Variants in GALNT17 observed in about 807,000 individuals in gnomAD.
GALNT17 encodes the protein UDP-GalNAc:polypeptide N-acetylgalactosaminyltransferase-like 3.
In GALNT17, 29 loss-of-function variants were observed where a neutral mutation model predicts 63.7. The ratio of observed to expected loss-of-function variants is 0.46; its 90% CI spans 0.34 to 0.62. The LOEUF is 0.62. Among genes scored for constraint, GALNT17 ranks in the 20% least tolerant of loss-of-function variants. The pLI is 0.01. For synonymous variants in GALNT17, 305 were observed against 318.3 expected (o/e 0.96, Z 0.45); for missense variants, 603 against 799.6 (o/e 0.75, Z 2.97).
chr7:71,486,232 T>C (rs1283812411), intron 5 of GALNT17, among the ~76,000 whole-genome samples: 1 of 151,502 alleles, frequency 6.6e-6, no homozygotes, highest in Non-Finnish European at 1.5e-5. Context: ...GGGAGGCTGA[T>C]GAGGCAGGAG....
chr7:71,693,301 C>CATATATATAT (rs1280771901), intron 9 of GALNT17, among the ~76,000 whole-genome samples: 13 of 82,516 alleles, frequency 1.6e-4, no homozygotes, highest in African/African-American at 4.1e-4. Flanking sequence ...CACACACACA[C>CATATATATAT]ACACACACAT....
intron 2 of GALNT17, among the ~76,000 whole-genome samples, chr7:71,370,507 CAG>C (rs1379940591): frequency 8.5e-5 from 13 of 152,124 alleles, no homozygotes; most frequent in East Asian, 3.9e-4. Flanking sequence ...TTTTTTGAGA[CAG>C]AGTTTCCATC....
intron 1 of GALNT17, chr7:71,300,863 G>C (rs1791183345): frequency 6.5e-6 from 1 of 153,748 alleles, no homozygotes; most frequent in Non-Finnish European, 1.4e-5. Flanking sequence ...CCGGGGCTGG[G>C]GAAATGTCAG....
At chr7:71,557,493 C>G (rs1009626502) in intron 5 of GALNT17, among the ~76,000 whole-genome samples, 10 of 152,136 alleles carry the variant, frequency 6.6e-5, no homozygotes, top group African/African-American at 2.2e-4. Flanking sequence ...CCCATTCATT[C>G]TTTCAAAGTT....
At chr7:71,477,362 C>T (rs1431914472) in intron 5 of GALNT17, among the ~76,000 whole-genome samples, 1 of 152,112 alleles carries the variant, frequency 6.6e-6, no homozygotes, top group Admixed American at 6.5e-5. Flanking sequence ...GTGTTTTCAC[C>T]GTTAGCTGTG....
chr7:71,262,040 C>T (rs971789778), intron 1 of GALNT17, among the ~76,000 whole-genome samples: 6 of 152,062 alleles, frequency 3.9e-5, no homozygotes, highest in Admixed American at 1.3e-4. Flanking sequence ...GTTTCTGACG[C>T]GTGATGATGG....
intron 6 of GALNT17, among the ~76,000 whole-genome samples, chr7:71,628,802 AAC>A: frequency 6.6e-6 from 1 of 151,948 alleles, no homozygotes; most frequent in Non-Finnish European, 1.5e-5. Flanking sequence ...TGTGGTGGCA[AAC>A]GCCTGTAATC....
At chr7:71,325,535 G>T (rs1269595480) in intron 1 of GALNT17, among the ~76,000 whole-genome samples, 3 of 152,174 alleles carry the variant, frequency 2.0e-5, no homozygotes, top group African/African-American at 4.8e-5. Context: ...AATAATGCTG[G>T]TTATCTGTAA....
At chr7:71,595,815 A>C (rs1789877263) in intron 6 of GALNT17, among the ~76,000 whole-genome samples, 1 of 152,108 alleles carries the variant, frequency 6.6e-6, no homozygotes, top group Admixed American at 6.6e-5. Context: ...CCCATCTTTC[A>C]GTGGAGGATG....
chr7:71,583,117 T>C (rs983031997), intron 6 of GALNT17, among the ~76,000 whole-genome samples: 2 of 152,128 alleles, frequency 1.3e-5, no homozygotes, highest in Non-Finnish European at 1.5e-5. Flanking sequence ...TTCAGGCCAG[T>C]ATGTGGGTTT....
At chr7:71,491,827 T>G (rs1788013764) in intron 5 of GALNT17, among the ~76,000 whole-genome samples, 1 of 152,138 alleles carries the variant, frequency 6.6e-6, no homozygotes, top group Non-Finnish European at 1.5e-5. Flanking sequence ...AGATGCACTG[T>G]CCTACGGAAA....
intron 5 of GALNT17, among the ~76,000 whole-genome samples, chr7:71,541,720 A>T (rs1230486399): frequency 6.6e-6 from 1 of 152,184 alleles, no homozygotes. Context: ...CTAACAATGT[A>T]AGGAGATTGG....
At chr7:71,672,766 C>G (rs511724) in intron 8 of GALNT17, among the ~76,000 whole-genome samples, 129,037 of 152,122 alleles carry the variant, frequency 0.85, 55,951 homozygotes, top group Non-Finnish European at 0.94. Flanking sequence ...GGCCAGGCTG[C>G]TCTTGAACTC....
intron 3 of GALNT17, among the ~76,000 whole-genome samples, chr7:71,405,150 G>A (rs1303691936): frequency 6.6e-6 from 1 of 152,188 alleles, no homozygotes; most frequent in East Asian, 1.9e-4. Context: ...CAGCTCTCAG[G>A]ACAAGCCCAG....
chr7:71,292,041 G>T (rs908726321), intron 1 of GALNT17, among the ~76,000 whole-genome samples: 9 of 152,152 alleles, frequency 5.9e-5, no homozygotes, highest in African/African-American at 2.2e-4. Flanking sequence ...ATGTAACTCT[G>T]TTATGGATTA....
At position 71,710,887 on chromosome 7, in the gene GALNT17, A is replaced by C. The variant is rs776407701; in HGVS notation, c.1627A>C (p.Lys543Gln). Residue 543 changes from lysine to glutamine, a missense_variant, in exon 10 of 11, where the codon AAG becomes CAG. Physicochemically the swap from Lys to Gln is moderately conservative, Grantham distance 53 (BLOSUM62 1). Transcript: ENST00000333538. The stretch of plus-strand genomic sequence containing the variant: ...GCTGCCCCAGCTCCTGGACTGCGAC[A>C]AGGTCAAGAGCAGCCTGTACAAGCG... ...SRLPQLLDCD[K>Q]VKSSLYKRWN... is the part of the protein sequence containing the mutation. 6.2e-7 allele frequency: 1 copy of C among 1,614,006 alleles called. No individual in the cohort carries two copies. Among genetic ancestry groups the C allele is most frequent in the African/African-American group, 1.3e-5 (1 of 75,056 alleles).
At chr7:71,666,811 T>TC (rs1369127121) in intron 7 of GALNT17, among the ~76,000 whole-genome samples, 1 of 151,914 alleles carries the variant, frequency 6.6e-6, no homozygotes, top group Non-Finnish European at 1.5e-5. Flanking sequence ...TTTGTATTTT[T>TC]TATTGTTGTA....
chr7:71,555,509 C>A (rs1409695684), intron 5 of GALNT17, among the ~76,000 whole-genome samples: 1 of 151,236 alleles, frequency 6.6e-6, no homozygotes, highest in Non-Finnish European at 1.5e-5. Flanking sequence ...GCCCTCATGA[C>A]CCAAACAGGT....
intron 1 of GALNT17, among the ~76,000 whole-genome samples, chr7:71,149,863 A>T (rs944277600): frequency 1.3e-5 from 2 of 152,124 alleles, no homozygotes; most frequent in Non-Finnish European, 2.9e-5. Flanking sequence ...TGTTTGTATC[A>T]TGGTGGCTTT....
Sources: allele counts gnomAD v4.1 joint callset (sites outside exome capture counted in the v4.1 genomes callset), GRCh38; gene constraint gnomAD v4.1.1; transcripts MANE v1.5; gene names NCBI Gene and HGNC (gene_info 2026-07-23, HGNC 2026-07-21).